The following TP53BP2 variants were observed in gnomAD, a reference collection of about 807,000 sequenced individuals.
The protein encoded by TP53BP2 is tumor protein p53 binding protein 2.
Under a neutral mutation model 126.2 loss-of-function variants are expected in TP53BP2, and 62 were observed. The ratio of observed to expected loss-of-function variants is 0.49; its 90% CI spans 0.40 to 0.61. The LOEUF (loss-of-function observed/expected upper bound fraction) is 0.61, where lower values mean the gene tolerates loss of function less well. Ranked by LOEUF, TP53BP2 falls within the 20% of genes least tolerant of loss-of-function variation. The pLI, the probability that TP53BP2 is intolerant of heterozygous loss-of-function variation, is 0.00. For missense variants in TP53BP2, 1,215 were observed against 1,402.8 expected, an observed-to-expected ratio of 0.87 and a Z score of 2.14; for synonymous variants, 485 against 502.9, an observed-to-expected ratio of 0.96 and a Z score of 0.48.
intron 13 of TP53BP2, 48 bp downstream of exon 13, chr1:223,795,767 A>G: frequency 7.2e-7 from 1 of 1,393,930 alleles, no homozygotes; most frequent in Non-Finnish European, 9.4e-7. Context: ...GAAAATCGTA[A>G]CAAAGTAAAG....
At position 223,780,265 on chromosome 1, in the gene TP53BP2, A is replaced by C. The variant is rs1373567679; in HGVS notation, c.*588T>G. The C allele has an allele frequency of 6.6e-6, 1 of 152,250 alleles. No homozygotes were observed. Among genetic ancestry groups the C allele is most frequent in the Non-Finnish European group, 1.5e-5 (1 of 68,042 alleles). The allele number at this position is 152,250 out of a possible 1,614,324, so 9.4% of individuals were successfully genotyped here. On this transcript the variant is annotated 3_prime_UTR_variant, in exon 18 of 18. Transcript: ENST00000343537. ...ATTACTGGTACCGTAGCTTAGTTTC[A>C]ATATTTCAAACATATGTATAATTCT... is the stretch of plus-strand genomic sequence containing the variant.
At chr1:223,793,655 G>C (rs1662222917) in intron 13 of TP53BP2, among the ~76,000 whole-genome samples, 1 of 152,174 alleles carries the variant, frequency 6.6e-6, no homozygotes, top group Non-Finnish European at 1.5e-5. Context: ...ATACCATGGA[G>C]CAAAGTTGGA....
At chr1:223,813,226 T>C (rs1662973451) in intron 3 of TP53BP2, among the ~76,000 whole-genome samples, 1 of 152,130 alleles carries the variant, frequency 6.6e-6, no homozygotes, top group South Asian at 2.1e-4. Flanking sequence ...CCTGCCTTCA[T>C]TCTGGATGAC....
intron 1 of TP53BP2, among the ~76,000 whole-genome samples, chr1:223,844,270 G>T (rs1664198972): frequency 6.6e-6 from 1 of 152,142 alleles, no homozygotes; most frequent in Non-Finnish European, 1.5e-5. Context: ...AACGTTTTAT[G>T]AATTCGGCTA....
intron 14 of TP53BP2, among the ~76,000 whole-genome samples, chr1:223,792,753 A>G (rs1662194353): frequency 6.6e-6 from 1 of 152,148 alleles, no homozygotes; most frequent in Non-Finnish European, 1.5e-5. Flanking sequence ...TTTTTTTTAA[A>G]AAAAGGAAGT....
chr1:223,783,009 G>A (rs556981540), intron 17 of TP53BP2, among the ~76,000 whole-genome samples: 5 of 152,276 alleles, frequency 3.3e-5, no homozygotes, highest in Admixed American at 3.3e-4. Context: ...TCAGAATCCA[G>A]GCAGTCAGGT....
chr1:223,845,285 C>CA (rs1451403975), intron 1 of TP53BP2: 8 of 983,534 alleles, frequency 8.1e-6, no homozygotes, highest in Middle Eastern at 5.2e-4. Context: ...AAAGACACAG[C>CA]AAAGAACAAG....
intron 1 of TP53BP2, among the ~76,000 whole-genome samples, chr1:223,823,365 G>C (rs993230753): frequency 1.3e-5 from 2 of 152,230 alleles, no homozygotes; most frequent in African/African-American, 4.8e-5. Flanking sequence ...ATATACATGA[G>C]AGAAAGAGCG....
At chr1:223,831,224 A>G (rs1417660534) in intron 1 of TP53BP2, among the ~76,000 whole-genome samples, 2 of 95,994 alleles carry the variant, frequency 2.1e-5, no homozygotes, top group Non-Finnish European at 3.7e-5. Context: ...TTCCCCATTT[A>G]TATTAAAAAA....
At chr1:223,802,987 T>A (rs541291378) in intron 7 of TP53BP2, 92 bp from the exon 8 acceptor site, 1 of 1,398,452 alleles carries the variant, frequency 7.2e-7, no homozygotes, top group South Asian at 1.3e-5. Context: ...ATATAATTTC[T>A]AAAAATATGA....
chr1:223,797,652 C>T (rs1186519876), intron 12 of TP53BP2, among the ~76,000 whole-genome samples: 1 of 152,020 alleles, frequency 6.6e-6, no homozygotes, highest in African/African-American at 2.4e-5. Flanking sequence ...CTCAGGTGAC[C>T]CGCCCACCTT....
At chr1:223,786,666 G>A (rs1170422785) in intron 16 of TP53BP2, among the ~76,000 whole-genome samples, 1 of 151,626 alleles carries the variant, frequency 6.6e-6, no homozygotes, top group Admixed American at 6.6e-5. Flanking sequence ...GAGTGCAGTG[G>A]CGTGATCTCA....
At chr1:223,832,252 C>G (rs1438998764) in intron 1 of TP53BP2, among the ~76,000 whole-genome samples, 1 of 152,080 alleles carries the variant, frequency 6.6e-6, no homozygotes, top group Non-Finnish European at 1.5e-5. Flanking sequence ...TCAAGTTTAC[C>G]TAAGAGGAAG....
At chr1:223,843,801 G>T (rs969658107) in intron 1 of TP53BP2, among the ~76,000 whole-genome samples, 3 of 152,106 alleles carry the variant, frequency 2.0e-5, no homozygotes, top group Non-Finnish European at 4.4e-5. Context: ...CTTAATAAAA[G>T]TTTTATTTTC....
In TP53BP2 at chr1:223,799,910, G is replaced by A. The variant is rs61758079; in HGVS notation, c.1474C>T (p.Arg492Trp). ...RKNQSSEDIL[R>W]DAQVANKNVA... ...ATATTTGTAGGTACCTGAGCATCCC[G>A]CAAGATATCTTCACTGCTCTGGTTC... The change falls in exon 11 of 18, where the codon CGG becomes TGG. Residue 492 changes from arginine to tryptophan, a missense_variant. Physicochemically the swap from Arg to Trp is moderately radical, Grantham distance 101. Coordinates refer to ENST00000343537, the MANE Select transcript of TP53BP2 (RefSeq NM_001031685.3). 23 of 1,590,978 alleles carry A rather than the reference G, an allele frequency of 1.4e-5. No homozygotes were observed. The highest frequency in any genetic ancestry group is 9.5e-5 in the African/African-American group (7 of 73,560).
At chr1:223,822,158 C>T (rs1285181207) in intron 1 of TP53BP2, among the ~76,000 whole-genome samples, 2 of 152,156 alleles carry the variant, frequency 1.3e-5, no homozygotes, top group African/African-American at 4.8e-5. Flanking sequence ...AGGTGATCCA[C>T]CCACCTCGGC....
chr1:223,788,616 T>TG (rs1662050805), intron 16 of TP53BP2, among the ~76,000 whole-genome samples: 1 of 152,224 alleles, frequency 6.6e-6, no homozygotes, highest in African/African-American at 2.4e-5. Context: ...TAGGAAAACT[T>TG]GGACCATTTG....
intron 1 of TP53BP2, among the ~76,000 whole-genome samples, chr1:223,843,789 T>C (rs1165696204): frequency 6.6e-6 from 1 of 152,226 alleles, no homozygotes; most frequent in Non-Finnish European, 1.5e-5. Context: ...ATGAGAAATA[T>C]ACTTAATAAA....
intron 4 of TP53BP2, among the ~76,000 whole-genome samples, chr1:223,809,734 C>T (rs986535922): frequency 6.6e-6 from 1 of 152,088 alleles, no homozygotes; most frequent in African/African-American, 2.4e-5. Flanking sequence ...CCTAATGGCA[C>T]TAAAAATAGT....
Sources: allele counts gnomAD v4.1 joint callset (sites outside exome capture counted in the v4.1 genomes callset), GRCh38; gene constraint gnomAD v4.1.1; transcripts MANE v1.5; gene names NCBI Gene and HGNC (gene_info 2026-07-23, HGNC 2026-07-21).